IGF2BP3: variants seen among roughly 807,000 people sequenced by gnomAD.
The protein encoded by IGF2BP3 is insulin like growth factor 2 mRNA binding protein 3.
In IGF2BP3, 9 loss-of-function variants were observed where a neutral mutation model predicts 73.8. The observed-to-expected ratio is 0.12, with a 90% CI of 0.07 to 0.21. The LOEUF (loss-of-function observed/expected upper bound fraction) is 0.21. IGF2BP3 is among the 10% of genes least tolerant of loss of function. IGF2BP3 has a pLI of 1.00. For missense variants in IGF2BP3, 542 were observed against 714.0 expected (o/e 0.76, Z 2.75); for synonymous variants, 258 against 256.7 (o/e 1.01, Z -0.05).
intron 6 of IGF2BP3, 77 bp downstream of exon 6, chr7:23,351,228 G>A (rs541253215): frequency 2.2e-5 from 34 of 1,530,952 alleles, no homozygotes; most frequent in Admixed American, 1.1e-4. Flanking sequence ...AGGGCACCAA[G>A]TACCAGAACG....
intron 3 of IGF2BP3, among the ~76,000 whole-genome samples, chr7:23,384,956 T>G (rs2128518799): frequency 6.6e-6 from 1 of 152,274 alleles, no homozygotes; most frequent in African/African-American, 2.4e-5. Context: ...AATTTTCAAC[T>G]TACAATATTT....
At chr7:23,466,860 C>G (rs1000494689) in intron 2 of IGF2BP3, among the ~76,000 whole-genome samples, 2 of 152,186 alleles carry the variant, frequency 1.3e-5, no homozygotes, top group Admixed American at 6.5e-5. Context: ...TTTAGAAACT[C>G]TCTCAAATGT....
At chr7:23,450,258 G>C (rs1401252061) in intron 2 of IGF2BP3, among the ~76,000 whole-genome samples, 1 of 152,176 alleles carries the variant, frequency 6.6e-6, no homozygotes, top group African/African-American at 2.4e-5. Flanking sequence ...CTGGTTGTCT[G>C]CACAAAAAGC....
chr7:23,411,796 C>G (rs1787031359), intron 3 of IGF2BP3, among the ~76,000 whole-genome samples: 1 of 152,090 alleles, frequency 6.6e-6, no homozygotes, highest in African/African-American at 2.4e-5. Flanking sequence ...AGGAAGTCAT[C>G]TACCTCCCCA....
intron 8 of IGF2BP3, among the ~76,000 whole-genome samples, chr7:23,345,012 T>G (rs201269015): frequency 1.3e-5 from 2 of 152,338 alleles, no homozygotes; most frequent in African/African-American, 4.8e-5. Context: ...GTATTACTTA[T>G]TGAATTTACC....
At chr7:23,408,398 A>C (rs1459056376) in intron 3 of IGF2BP3, among the ~76,000 whole-genome samples, 1 of 152,224 alleles carries the variant, frequency 6.6e-6, no homozygotes. Flanking sequence ...TAAGGTCAAC[A>C]CACAAAAATT....
chr7:23,407,961 G>GGGGGGC (rs1786895866), intron 3 of IGF2BP3, among the ~76,000 whole-genome samples: 1 of 41,922 alleles, frequency 2.4e-5, no homozygotes, highest in African/African-American at 1.7e-4. Context: ...GGCGGGGGGC[G>GGGGGGC]GGGGGGGGGG....
At chr7:23,353,301 G>A (rs1348658057) in intron 5 of IGF2BP3, among the ~76,000 whole-genome samples, 6 of 152,184 alleles carry the variant, frequency 3.9e-5, no homozygotes, top group Non-Finnish European at 8.8e-5. Flanking sequence ...GTGGGTGACA[G>A]TTCTAGTACC....
At chr7:23,404,648 C>T (rs978661672) in intron 3 of IGF2BP3, among the ~76,000 whole-genome samples, 5 of 151,946 alleles carry the variant, frequency 3.3e-5, no homozygotes, top group African/African-American at 9.7e-5. Context: ...TAAATTATAG[C>T]CTTTCTCATC....
At chr7:23,372,123 GA>G (rs1335758068) in intron 3 of IGF2BP3, among the ~76,000 whole-genome samples, 1 of 151,346 alleles carries the variant, frequency 6.6e-6, no homozygotes, top group Non-Finnish European at 1.5e-5. Flanking sequence ...ACCCAGGCTG[GA>G]GTGCAGTGGC....
chr7:23,446,305 T>C (rs1323885457), intron 2 of IGF2BP3, among the ~76,000 whole-genome samples: 1 of 152,204 alleles, frequency 6.6e-6, no homozygotes, highest in East Asian at 1.9e-4. Flanking sequence ...TACCTTTATG[T>C]AATCCCAGCA....
chr7:23,427,386 ACTT>A (rs1446090500), intron 2 of IGF2BP3, among the ~76,000 whole-genome samples: 2 of 151,806 alleles, frequency 1.3e-5, no homozygotes, highest in Non-Finnish European at 2.9e-5. Context: ...CCCTTCCCTC[ACTT>A]CTTCTTGAAA....
At chr7:23,453,995 T>G (rs1419877195) in intron 2 of IGF2BP3, among the ~76,000 whole-genome samples, 4 of 152,018 alleles carry the variant, frequency 2.6e-5, no homozygotes, top group Non-Finnish European at 5.9e-5. Context: ...CCTGGCTAAT[T>G]TTTGTTATTT....
chr7:23,335,259 C>T (rs1284426456), intron 10 of IGF2BP3, among the ~76,000 whole-genome samples: 1 of 150,144 alleles, frequency 6.7e-6, no homozygotes, highest in Admixed American at 6.7e-5. Context: ...AAACACTCAT[C>T]TGATTTAAAA....
At chr7:23,350,750 C>T (rs1419016054) in intron 6 of IGF2BP3, among the ~76,000 whole-genome samples, 2 of 152,230 alleles carry the variant, frequency 1.3e-5, no homozygotes, top group East Asian at 1.9e-4. Context: ...TTAGCTCCAA[C>T]ATTTGAATGG....
intron 2 of IGF2BP3, chr7:23,431,415 T>C (rs1787673888): frequency 6.6e-6 from 1 of 152,126 alleles, no homozygotes; most frequent in Non-Finnish European, 1.5e-5. Context: ...CAGAAGAAAC[T>C]AGATACTTTA....
intron 7 of IGF2BP3, 89 bp downstream of exon 7, chr7:23,347,511 T>C (rs1784858077): frequency 2.1e-6 from 3 of 1,404,018 alleles, no homozygotes; most frequent in South Asian, 1.3e-5. Flanking sequence ...CCTCTGTTTG[T>C]TGGCAATTCC....
chr7:23,323,438 CAA>C (rs1357040925), intron 10 of IGF2BP3, among the ~76,000 whole-genome samples: 3 of 145,192 alleles, frequency 2.1e-5, no homozygotes, highest in South Asian at 2.3e-4. Context: ...GAGTGACCTA[CAA>C]AGAGACTTAG....
At chr7:23,349,454 C>T (rs7796541) in intron 6 of IGF2BP3, among the ~76,000 whole-genome samples, 1 of 151,956 alleles carries the variant, frequency 6.6e-6, no homozygotes, top group Non-Finnish European at 1.5e-5. Flanking sequence ...GAGTCATCTT[C>T]CCGGCTGCTG....
Sources: allele counts gnomAD v4.1 joint callset (sites outside exome capture counted in the v4.1 genomes callset), GRCh38; gene constraint gnomAD v4.1.1; transcripts MANE v1.5; gene names NCBI Gene and HGNC (gene_info 2026-07-23, HGNC 2026-07-21).